CEMIP: variants seen among roughly 807,000 people sequenced by gnomAD.
CEMIP encodes cell migration-inducing and hyaluronan-binding protein.
CEMIP carries 105 observed loss-of-function variants against 156.9 expected under a neutral mutation model. The observed-to-expected ratio is 0.67, with a 90% CI of 0.57 to 0.79. The LOEUF (loss-of-function observed/expected upper bound fraction) is 0.79. Among genes scored for constraint, CEMIP ranks in the 30% least tolerant of loss-of-function variants. CEMIP has a pLI of 0.00. For synonymous variants in CEMIP, 676 were observed against 668.4 expected (o/e 1.01, Z -0.17); for missense variants, 1,457 against 1,769.4 (o/e 0.82, Z 3.17).
At chr15:80,853,972 G>A (rs1897776612) in intron 1 of CEMIP, among the ~76,000 whole-genome samples, 1 of 152,236 alleles carries the variant, frequency 6.6e-6, no homozygotes, top group African/African-American at 2.4e-5. Flanking sequence ...CCAGGTGCTG[G>A]AAGCACAACT....
intron 1 of CEMIP, among the ~76,000 whole-genome samples, chr15:80,831,754 T>G (rs756888332): frequency 2.0e-5 from 3 of 152,284 alleles, no homozygotes; most frequent in Non-Finnish European, 4.4e-5. Context: ...TGGGCAACTG[T>G]GGTGGTGAAG....
At chr15:80,853,406 C>T (rs1184920192) in intron 1 of CEMIP, among the ~76,000 whole-genome samples, 1 of 152,150 alleles carries the variant, frequency 6.6e-6, no homozygotes, top group African/African-American at 2.4e-5. Flanking sequence ...GCCTCTGGTC[C>T]AGTCTGTTTC....
intron 7 of CEMIP, among the ~76,000 whole-genome samples, chr15:80,885,818 A>C (rs1156475064): frequency 6.6e-6 from 1 of 152,240 alleles, no homozygotes; most frequent in African/African-American, 2.4e-5. Flanking sequence ...AATGTTAGCA[A>C]CTATTTTCTC....
chr15:80,875,374 T>C (rs1898440972), intron 3 of CEMIP, among the ~76,000 whole-genome samples: 1 of 152,140 alleles, frequency 6.6e-6, no homozygotes, highest in African/African-American at 2.4e-5. Flanking sequence ...TAATTGGCTA[T>C]ATTACCTGAA....
At chr15:80,920,924 AAG>A in intron 15 of CEMIP, 106 bp from the exon 16 acceptor site, 1 of 834,596 alleles carries the variant, frequency 1.2e-6, no homozygotes, top group South Asian at 1.4e-5. Context: ...GATCTCTGAT[AAG>A]AGACTATCAG....
chr15:80,909,070 C>G (rs974888593), intron 13 of CEMIP, 27 bp from the exon 14 acceptor site: 4 of 1,610,424 alleles, frequency 2.5e-6, no homozygotes, highest in Non-Finnish European at 3.4e-6. Flanking sequence ...TCATGGGCTC[C>G]TCTGACTCTC....
intron 1 of CEMIP, among the ~76,000 whole-genome samples, chr15:80,782,650 T>A (rs1023959259): frequency 2.6e-5 from 4 of 152,218 alleles, no homozygotes; most frequent in African/African-American, 9.6e-5. Flanking sequence ...TTTATCCCTG[T>A]CAGTTTTACA....
intron 1 of CEMIP, among the ~76,000 whole-genome samples, chr15:80,822,809 C>T (rs1181553628): frequency 1.3e-4 from 20 of 152,198 alleles, no homozygotes; most frequent in Non-Finnish European, 2.9e-5. Flanking sequence ...CTCTCCCCAA[C>T]GTGGTGCCAT....
Position 80,948,848 on chromosome 15 carries a change from C to T in CEMIP, c.4010C>T (p.Thr1337Ile), listed in dbSNP as rs781589745. ...GGCAGCTTCCGGCCCATCTGGGTGACACTGGACACTGAGGATCACAAAGCC... is the reference window on the plus strand; with the variant it reads ...GGCAGCTTCCGGCCCATCTGGGTGATACTGGACACTGAGGATCACAAAGCC... ...FKGSFRPIWV[T>I]LDTEDHKAKI... The change falls in exon 30 of 30, where the codon ACA becomes ATA. Residue 1337 changes from threonine to isoleucine, a missense_variant. Around this residue, in one of 5 missense-constraint regions of CEMIP, gnomAD observed 798 missense variants for 980.1 expected, o/e 0.81. Coordinates refer to ENST00000394685, the MANE Select transcript of CEMIP (RefSeq NM_001293298.2). 1 of 1,614,200 alleles carries T rather than the reference C, an allele frequency of 6.2e-7. No individual in the cohort carries two copies. The highest frequency in any genetic ancestry group is 1.1e-5 in the South Asian group (1 of 91,092).
chr15:80,862,981 A>ATTGGCGGGAGAGGCCAGGACCC, intron 1 of CEMIP, among the ~76,000 whole-genome samples: 1 of 152,286 alleles, frequency 6.6e-6, no homozygotes, highest in African/African-American at 2.4e-5. Flanking sequence ...GAGCCCTGGG[A>ATTGGCGGGAGAGGCCAGGACCC]TTGGCGGGAG....
chr15:80,790,557 G>C (rs567722202), intron 1 of CEMIP, among the ~76,000 whole-genome samples: 1 of 152,180 alleles, frequency 6.6e-6, no homozygotes, highest in Non-Finnish European at 1.5e-5. Context: ...CAGTGAAGCC[G>C]CATCACTTAT....
chr15:80,787,674 G>C (rs1013914859), intron 1 of CEMIP, among the ~76,000 whole-genome samples: 1 of 152,164 alleles, frequency 6.6e-6, no homozygotes, highest in Admixed American at 6.5e-5. Context: ...ATCCTTGGTT[G>C]CGCTGATCTC....
At chr15:80,851,521 A>T (rs1432272343) in intron 1 of CEMIP, among the ~76,000 whole-genome samples, 3 of 152,208 alleles carry the variant, frequency 2.0e-5, no homozygotes, top group Non-Finnish European at 2.9e-5. Context: ...TAATAATAAG[A>T]GACCTATGCT....
In CEMIP at chr15:80,907,235, T is replaced by C. The variant is rs1463286774; in HGVS notation, c.1587+397T>C. Among the ~76,000 whole-genome samples the C allele has an allele frequency of 2.6e-5, 4 of 152,186 alleles. No individual in the cohort carries two copies. In the East Asian group the frequency reaches 7.7e-4, roughly 29 times the overall value. On this transcript the variant is annotated intron_variant, in intron 13 of 29. Coordinates refer to ENST00000394685, the MANE Select transcript of CEMIP (RefSeq NM_001293298.2). ...CATTTACAATGGATCCATTACCATA[T>C]AGATAAAACAATAAGCAGGTGAGAG...
chr15:80,858,730 A>G (rs1217586957), intron 1 of CEMIP, among the ~76,000 whole-genome samples: 1 of 152,174 alleles, frequency 6.6e-6, no homozygotes, highest in Non-Finnish European at 1.5e-5. Flanking sequence ...CATCTCAAAA[A>G]AAAAAGAAAA....
intron 27 of CEMIP, 48 bp from the exon 28 acceptor site, chr15:80,942,897 T>A (rs1901395111): frequency 6.2e-7 from 1 of 1,611,822 alleles, no homozygotes; most frequent in Non-Finnish European, 8.5e-7. Context: ...AGGAGAACCA[T>A]GGGGCCTTGG....
intron 1 of CEMIP, among the ~76,000 whole-genome samples, chr15:80,852,652 C>A (rs1276198481): frequency 6.6e-6 from 1 of 152,016 alleles, no homozygotes; most frequent in Non-Finnish European, 1.5e-5. Context: ...AGGGTTTATG[C>A]CTCTGCTTTC....
At chr15:80,942,132 G>A (rs1596210518) in intron 26 of CEMIP, 79 bp downstream of exon 26, 5 of 1,511,560 alleles carry the variant, frequency 3.3e-6, no homozygotes, top group Non-Finnish European at 4.6e-6. Flanking sequence ...GTCGGGCCCA[G>A]ACCCAATTAG....
At chr15:80,894,877 T>C in intron 10 of CEMIP, 113 bp from the exon 11 acceptor site, 1 of 1,308,440 alleles carries the variant, frequency 7.6e-7, no homozygotes, top group Non-Finnish European at 1.1e-6. Flanking sequence ...GTAAATAGTG[T>C]TGCAGCAGGG....
Sources: allele counts gnomAD v4.1 joint callset (sites outside exome capture counted in the v4.1 genomes callset), GRCh38; gene constraint gnomAD v4.1.1; regional missense constraint gnomAD v4.1.1; transcripts MANE v1.5; gene names NCBI Gene and HGNC (gene_info 2026-07-23, HGNC 2026-07-21).